The following ARHGAP42 variants were observed in gnomAD, a reference collection of about 807,000 sequenced individuals.
ARHGAP42 encodes rho GTPase-activating protein 42.
A neutral mutation model predicts 125.0 loss-of-function variants in ARHGAP42; 63 were observed. The ratio of observed to expected loss-of-function variants is 0.50; its 90% CI spans 0.41 to 0.62. The LOEUF is 0.62. Ranked by LOEUF, ARHGAP42 falls within the 20% of genes least tolerant of loss-of-function variation. The pLI is 0.00. For synonymous variants in ARHGAP42, 339 were observed against 351.0 expected, an observed-to-expected ratio of 0.97 and a Z score of 0.38; for missense variants, 766 against 1,024.2, an observed-to-expected ratio of 0.75 and a Z score of 3.44.
chr11:100,732,016 G>A (rs961834522), intron 1 of ARHGAP42, among the ~76,000 whole-genome samples: 2 of 150,444 alleles, frequency 1.3e-5, no homozygotes, highest in Non-Finnish European at 3.0e-5. Flanking sequence ...GTGCAATGAC[G>A]TGATCTCAGC....
intron 1 of ARHGAP42, among the ~76,000 whole-genome samples, chr11:100,704,061 T>C (rs766140269): frequency 6.6e-6 from 1 of 152,084 alleles, no homozygotes; most frequent in Non-Finnish European, 1.5e-5. Context: ...GTGTGTTAAT[T>C]AGAGACAAAA....
rs1858301826 is a variant in ARHGAP42, at chr11:100,973,259, A to G, written c.1635A>G (p.Glu545=). The G allele has an allele frequency of 6.4e-7, 1 of 1,551,154 alleles. No homozygotes were observed. The highest frequency in any genetic ancestry group is 2.4e-5 in the East Asian group (1 of 40,862). ...GCCCAACTCTAATGAGAGCACAGGA[A>G]GAAACTGTGGCTGCTATGATGAATA... The part of the protein sequence containing the change: ...IFGPTLMRAQ[E]ETVAAMMNIK... The change falls in exon 18 of 24, where the codon GAA becomes GAG. Residue 545 remains glutamate (E), a synonymous_variant. Coordinates refer to ENST00000298815, the MANE Select transcript of ARHGAP42 (RefSeq NM_152432.4).
intron 3 of ARHGAP42, among the ~76,000 whole-genome samples, chr11:100,831,380 T>A (rs1864659955): frequency 6.6e-6 from 1 of 152,126 alleles, no homozygotes; most frequent in African/African-American, 2.4e-5. Context: ...AAAGTAAAAT[T>A]TTACTAAGAA....
In ARHGAP42 at chr11:100,941,792, G is replaced by A; in HGVS notation, c.841G>A (p.Gly281Ser). ...YLYVQEKRPL[G>S]FTWIKHYCTY... is the part of the protein sequence containing the mutation. Reference sequence around the variant, plus strand: ...TTGTTTCCTTACATTAGGACCGCTTGGTTTTACATGGATTAAACATTATTG... The same window carrying A: ...TTGTTTCCTTACATTAGGACCGCTTAGTTTTACATGGATTAAACATTATTG... Residue 281 changes from glycine to serine, a missense_variant, in exon 9 of 24, where the codon GGT becomes AGT. Physicochemically the swap from Gly to Ser is moderately conservative, Grantham distance 56 (BLOSUM62 0). Around this residue, in one of 3 missense-constraint regions of ARHGAP42, gnomAD observed 455 missense variants for 636.5 expected, o/e 0.71. Transcript: ENST00000298815. 1.3e-6 allele frequency: 2 copies of A among 1,508,012 alleles called. No individual in the cohort carries two copies. The highest frequency in any genetic ancestry group is 1.8e-6 in the Non-Finnish European group (2 of 1,131,142). The allele number at this position is 1,508,012 out of a possible 1,614,324, so 93.4% of individuals were successfully genotyped here.
intron 12 of ARHGAP42, among the ~76,000 whole-genome samples, chr11:100,957,202 G>A (rs1791027745): frequency 6.6e-6 from 1 of 152,098 alleles, no homozygotes; most frequent in African/African-American, 2.4e-5. Flanking sequence ...AAGTGGAAGA[G>A]TAACTACTGC....
At chr11:100,875,948 A>G (rs1157479570) in intron 4 of ARHGAP42, among the ~76,000 whole-genome samples, 3 of 152,154 alleles carry the variant, frequency 2.0e-5, no homozygotes, top group African/African-American at 4.8e-5. Flanking sequence ...ATCTTGTTAC[A>G]AGAGCACAGT....
intron 1 of ARHGAP42, among the ~76,000 whole-genome samples, chr11:100,697,318 G>C (rs895781097): frequency 6.6e-6 from 1 of 152,172 alleles, no homozygotes; most frequent in African/African-American, 2.4e-5. Context: ...CAGTAGCTGG[G>C]ACTACGGGCG....
chr11:100,801,807 C>T (rs1310284115), intron 3 of ARHGAP42, among the ~76,000 whole-genome samples: 1 of 152,212 alleles, frequency 6.6e-6, no homozygotes, highest in Non-Finnish European at 1.5e-5. Context: ...TGGATTGACA[C>T]CTGCCATCAT....
intron 2 of ARHGAP42, among the ~76,000 whole-genome samples, chr11:100,782,911 A>G (rs1270438851): frequency 1.3e-5 from 2 of 152,220 alleles, no homozygotes; most frequent in African/African-American, 2.4e-5. Flanking sequence ...TCCTACTTAA[A>G]TAGTTTAAAT....
chr11:100,982,044 T>C (rs1858558223), intron 22 of ARHGAP42, among the ~76,000 whole-genome samples: 1 of 152,140 alleles, frequency 6.6e-6, no homozygotes, highest in Admixed American at 6.6e-5. Context: ...TACATAGCAA[T>C]TACTCTGTAT....
intron 22 of ARHGAP42, chr11:100,986,143 G>C: frequency 4.4e-6 from 2 of 450,030 alleles, no homozygotes; most frequent in South Asian, 3.2e-5. Context: ...GTCTAGGGGA[G>C]AAGATAAAAA....
intron 4 of ARHGAP42, among the ~76,000 whole-genome samples, chr11:100,884,879 T>C (rs1019286380): frequency 3.3e-5 from 5 of 152,162 alleles, no homozygotes; most frequent in Non-Finnish European, 5.9e-5. Flanking sequence ...AACATTTGAA[T>C]TGAGAATCAT....
intron 22 of ARHGAP42, among the ~76,000 whole-genome samples, chr11:100,980,559 C>CTTCTTCTTTTT (rs1555037006): frequency 2.5e-4 from 13 of 51,950 alleles, no homozygotes; most frequent in Non-Finnish European, 4.2e-4. Flanking sequence ...TTTTCTTCTT[C>CTTCTTCTTTTT]TTTTTTTTTT....
At chr11:100,828,045 C>T (rs1379139386) in intron 3 of ARHGAP42, among the ~76,000 whole-genome samples, 4 of 152,180 alleles carry the variant, frequency 2.6e-5, no homozygotes, top group Non-Finnish European at 5.9e-5. Flanking sequence ...GGACTGCTGC[C>T]TATCACTGAG....
rs150787498 is a variant in ARHGAP42 at position 100,895,723 on chromosome 11, C to G, written c.385-17729C>G. ...TGGAAACTTAGTCACATGCACACAT[C>G]TCATTGCTAGGAGACAGGGAATTTT... On this transcript the variant is annotated intron_variant, in intron 4 of 23. Transcript: ENST00000298815. 3.9e-3 allele frequency among the ~76,000 whole-genome samples: 593 copies of G among 152,180 alleles called. 3 individuals are homozygous for G. The highest frequency in any genetic ancestry group is 0.014 in the African/African-American group (567 of 41,522).
intron 3 of ARHGAP42, among the ~76,000 whole-genome samples, chr11:100,854,259 A>G (rs1209938246): frequency 1.3e-5 from 2 of 152,180 alleles, no homozygotes; most frequent in East Asian, 3.8e-4. Context: ...AATTTTCCCA[A>G]TATATTTCCA....
At chr11:100,985,845 T>G (rs1858664825) in intron 22 of ARHGAP42, among the ~76,000 whole-genome samples, 1 of 152,208 alleles carries the variant, frequency 6.6e-6, no homozygotes, top group South Asian at 2.1e-4. Flanking sequence ...GACCTCATTC[T>G]GGAAGTGTAG....
chr11:100,965,192 G>A (rs1044669689), intron 16 of ARHGAP42, among the ~76,000 whole-genome samples: 1 of 152,024 alleles, frequency 6.6e-6, no homozygotes, highest in African/African-American at 2.4e-5. Context: ...CTCCCACTGG[G>A]TCCCTCCCAC....
At chr11:100,845,555 G>T (rs1865046515) in intron 3 of ARHGAP42, among the ~76,000 whole-genome samples, 1 of 152,094 alleles carries the variant, frequency 6.6e-6, no homozygotes, top group South Asian at 2.1e-4. Context: ...AGTCCTTAGT[G>T]AGAGGAGGCG....
Sources: allele counts gnomAD v4.1 joint callset (sites outside exome capture counted in the v4.1 genomes callset), GRCh38; gene constraint gnomAD v4.1.1; regional missense constraint gnomAD v4.1.1; transcripts MANE v1.5; gene names NCBI Gene and HGNC (gene_info 2026-07-23, HGNC 2026-07-21).